Variants in SLC25A13 observed in about 807,000 individuals in gnomAD.
SLC25A13 encodes the protein solute carrier family 25 member 13.
Under a neutral mutation model 85.5 loss-of-function variants are expected in SLC25A13, and 70 were observed. The observed-to-expected ratio is 0.82, with a 90% CI of 0.68 to 1.00. The LOEUF (loss-of-function observed/expected upper bound fraction) is 1.00, where lower values mean the gene tolerates loss of function less well. Among genes scored for constraint, SLC25A13 ranks in the 50% least tolerant of loss-of-function variants. SLC25A13 has a pLI of 0.00. For missense variants in SLC25A13, 765 were observed against 819.8 expected (o/e 0.93, Z 0.82); for synonymous variants, 259 against 288.7 (o/e 0.90, Z 1.04).
intron 13 of SLC25A13, among the ~76,000 whole-genome samples, chr7:96,157,104 G>C (rs1793299118): frequency 6.6e-6 from 1 of 152,134 alleles, no homozygotes; most frequent in African/African-American, 2.4e-5. Context: ...GGAGTGCTGA[G>C]AGCAACCAGA....
chr7:96,300,123 T>C (rs1463661240), intron 1 of SLC25A13, among the ~76,000 whole-genome samples: 2 of 152,208 alleles, frequency 1.3e-5, no homozygotes, highest in Non-Finnish European at 2.9e-5. Flanking sequence ...ATTAAGGACA[T>C]GATCTTACAG....
In SLC25A13 at chr7:96,120,859, G is replaced by A. The variant is rs1220601428; in HGVS notation, c.*332C>T. The A allele has an allele frequency of 4.1e-6, 2 of 481,986 alleles. No homozygotes were observed. Among genetic ancestry groups the A allele is most frequent in the Non-Finnish European group, 8.1e-6 (2 of 245,638 alleles). The allele number at this position is 481,986 out of a possible 1,614,324, so 29.9% of individuals were successfully genotyped here. A position where few individuals can be genotyped will look rare whatever the true frequency, so the allele number is the denominator to read the frequency against. On this transcript the variant is annotated 3_prime_UTR_variant, in exon 18 of 18. Transcript: ENST00000265631. ...GATTGCCTTACAGTAGCCTCTTTGG[G>A]ACTACAATCCTAGTTCAAGGAGGGG...
chr7:96,310,634 C>T (rs557372717), intron 1 of SLC25A13, among the ~76,000 whole-genome samples: 1 of 152,208 alleles, frequency 6.6e-6, no homozygotes, highest in Non-Finnish European at 1.5e-5. Context: ...CAATGATGAT[C>T]CATGCCTGAA....
At position 96,188,644 on chromosome 7, in the gene SLC25A13, A is replaced by G. The variant is rs557645893; in HGVS notation, c.933+650T>C. Among the ~76,000 whole-genome samples the G allele has an allele frequency of 6.6e-5, 10 of 152,348 alleles. No homozygotes were observed. The East Asian group carries it at 1.9e-3, about 29-fold the overall frequency. On this transcript the variant is annotated intron_variant, in intron 9 of 17. Coordinates refer to ENST00000265631, the MANE Select transcript of SLC25A13 (RefSeq NM_014251.3). ...TTCTTCTCTAATCCTGATCTACAGA[A>G]AGCTGGGTAAGAGTTAAAGGAGAAA...
chr7:96,174,360 C>G (rs1006718414), intron 11 of SLC25A13, among the ~76,000 whole-genome samples: 1 of 152,188 alleles, frequency 6.6e-6, no homozygotes, highest in Non-Finnish European at 1.5e-5. Context: ...GCATTCTTAT[C>G]CAAAGCAAGC....
At chr7:96,151,807 T>C (rs978701106) in intron 13 of SLC25A13, among the ~76,000 whole-genome samples, 4 of 151,318 alleles carry the variant, frequency 2.6e-5, no homozygotes, top group African/African-American at 9.7e-5. Context: ...TAGCCGGACA[T>C]GGTGGCAGGT....
intron 13 of SLC25A13, among the ~76,000 whole-genome samples, chr7:96,147,934 T>A (rs552954360): frequency 2.0e-5 from 3 of 152,174 alleles, no homozygotes; most frequent in Non-Finnish European, 4.4e-5. Context: ...CTTTTCCTTT[T>A]TTTTTTTTGA....
chr7:96,239,323 T>C (rs1340603567), intron 3 of SLC25A13, among the ~76,000 whole-genome samples: 1 of 149,926 alleles, frequency 6.7e-6, no homozygotes, highest in African/African-American at 2.4e-5. Context: ...AGAATAATTA[T>C]GTAGTACTAT....
chr7:96,281,906 A>G (rs1405902011), intron 2 of SLC25A13, among the ~76,000 whole-genome samples: 1 of 152,160 alleles, frequency 6.6e-6, no homozygotes, highest in African/African-American at 2.4e-5. Context: ...GCTCCTTAGG[A>G]TTGATGGACA....
At chr7:96,195,042 C>T (rs1373192033) in intron 5 of SLC25A13, among the ~76,000 whole-genome samples, 2 of 152,164 alleles carry the variant, frequency 1.3e-5, no homozygotes, top group Non-Finnish European at 2.9e-5. Flanking sequence ...ACAGAGTGCT[C>T]TCTCTCTTAA....
chr7:96,266,792 T>C (rs922641247), intron 3 of SLC25A13, among the ~76,000 whole-genome samples: 3 of 152,058 alleles, frequency 2.0e-5, no homozygotes, highest in Non-Finnish European at 4.4e-5. Flanking sequence ...AAGTGAGTAA[T>C]GCAAAAAGAA....
intron 3 of SLC25A13, among the ~76,000 whole-genome samples, chr7:96,242,608 T>C (rs1421921664): frequency 6.6e-6 from 1 of 152,168 alleles, no homozygotes; most frequent in East Asian, 1.9e-4. Flanking sequence ...ACCTAAGGGC[T>C]TCATCTGTAC....
intron 1 of SLC25A13, 53 bp downstream of exon 1, chr7:96,321,889 C>T (rs924816196): frequency 4.6e-6 from 7 of 1,517,296 alleles, no homozygotes; most frequent in African/African-American, 2.9e-5. Flanking sequence ...GCCTCTCGCA[C>T]CCCCAGGCTG....
intron 4 of SLC25A13, among the ~76,000 whole-genome samples, chr7:96,226,898 C>T (rs919949356): frequency 6.6e-6 from 1 of 151,956 alleles, no homozygotes; most frequent in Admixed American, 6.6e-5. Flanking sequence ...GCTTGTCTTC[C>T]ACCATGATTT....
intron 5 of SLC25A13, among the ~76,000 whole-genome samples, chr7:96,206,185 A>G (rs1316608318): frequency 6.6e-6 from 1 of 152,186 alleles, no homozygotes; most frequent in African/African-American, 2.4e-5. Context: ...AGGTAGCAGC[A>G]TGCACAGTGG....
intron 3 of SLC25A13, among the ~76,000 whole-genome samples, chr7:96,254,372 T>C (rs1797546292): frequency 6.6e-6 from 1 of 152,234 alleles, no homozygotes; most frequent in Non-Finnish European, 1.5e-5. Flanking sequence ...ATTGGCTCCC[T>C]GGTTCTCAGG....
chr7:96,262,263 C>T (rs770229189), intron 3 of SLC25A13, among the ~76,000 whole-genome samples: 3 of 152,104 alleles, frequency 2.0e-5, no homozygotes, highest in Non-Finnish European at 4.4e-5. Flanking sequence ...CAGTCTAGAT[C>T]AAGCAAATCA....
intron 1 of SLC25A13, among the ~76,000 whole-genome samples, chr7:96,317,620 T>G (rs1205744911): frequency 6.6e-6 from 1 of 152,000 alleles, no homozygotes; most frequent in East Asian, 1.9e-4. Context: ...TTCAGAAGAC[T>G]TCCCTCATCT....
chr7:96,225,214 C>T (rs907498455), intron 4 of SLC25A13, among the ~76,000 whole-genome samples: 16 of 152,130 alleles, frequency 1.1e-4, no homozygotes, highest in South Asian at 2.1e-4. Flanking sequence ...CTTCCTCTCA[C>T]CCATGGCCAA....
Sources: allele counts gnomAD v4.1 joint callset (sites outside exome capture counted in the v4.1 genomes callset), GRCh38; gene constraint gnomAD v4.1.1; transcripts MANE v1.5; gene names NCBI Gene and HGNC (gene_info 2026-07-23, HGNC 2026-07-21).